TRANK1: variants seen among roughly 807,000 people sequenced by gnomAD.
The protein encoded by TRANK1 is tetratricopeptide repeat and ankyrin repeat containing 1.
TRANK1 carries 198 observed loss-of-function variants against 266.0 expected under a neutral mutation model. That is an observed-to-expected ratio of 0.74 (90% confidence interval 0.66 to 0.84). The LOEUF (loss-of-function observed/expected upper bound fraction) is 0.84. Among genes scored for constraint, TRANK1 ranks in the 40% least tolerant of loss-of-function variants. The pLI is 0.00. For synonymous variants in TRANK1, 1,396 were observed against 1,384.1 expected (o/e 1.01, Z -0.19); for missense variants, 3,326 against 3,634.6 (o/e 0.92, Z 2.18).
Position 36,879,937 on chromosome 3 carries a change from TGTAAACATGC to T in TRANK1, c.908-5651_908-5642del, listed in dbSNP as rs2079489596. ...AAATATATGTAAACATGCAAATATA[TGTAAACATGC>T]AAATATATGTAAACATGCAAATATA... On this transcript the variant is annotated intron_variant, in intron 8 of 23. Coordinates refer to ENST00000645898, the MANE Select transcript of TRANK1 (RefSeq NM_001329998.2). Among the ~76,000 whole-genome samples, 8 of 34,158 alleles carry T rather than the reference TGTAAACATGC, an allele frequency of 2.3e-4. 2 individuals are homozygous for T. The highest frequency in any genetic ancestry group is 4.2e-4 in the African/African-American group (2 of 4,798). The allele number at this position is 34,158 out of a possible 152,430, so 22.4% of individuals were successfully genotyped here.
chr3:36,831,530 G>C lies in TRANK1; in HGVS notation c.8053C>G (p.Pro2685Ala), dbSNP rs749635565. 1.2e-6 allele frequency: 2 copies of C among 1,613,308 alleles called. No homozygotes were observed. The highest frequency in any genetic ancestry group is 1.7e-6 in the Non-Finnish European group (2 of 1,179,666). The change falls in exon 22 of 24, where the codon CCT (proline) becomes GCT (alanine). Residue 2685 changes from proline to alanine, a missense_variant. Transcript: ENST00000645898. The surrounding 1 kb of genome is among the most constrained non-coding windows in gnomAD (Gnocchi z 5.0). ...TCATCCTGGCCAAACTCACACTCAG[G>C]TTCAGCAAAGTAGTCCACAGGGTCC... ...CLDPVDYFAE[P>A]ECEFGQDEMD...
intron 1 of TRANK1, among the ~76,000 whole-genome samples, chr3:36,925,727 A>C (rs868420399): frequency 4.0e-5 from 6 of 151,802 alleles, no homozygotes; most frequent in Non-Finnish European, 5.9e-5. Flanking sequence ...AGTAGCTGGG[A>C]CTACAGGCAC....
At chr3:36,884,086 C>A (rs1476197688) in intron 8 of TRANK1, among the ~76,000 whole-genome samples, 3 of 152,020 alleles carry the variant, frequency 2.0e-5, no homozygotes, top group Non-Finnish European at 2.9e-5. Context: ...TGTAGATGAA[C>A]AATATTACAA....
intron 19 of TRANK1, 40 bp from the exon 20 acceptor site, chr3:36,838,544 TGACCCTACACCAATA>T: frequency 6.2e-7 from 1 of 1,613,986 alleles, no homozygotes; most frequent in East Asian, 2.2e-5. Context: ...CACGGAACAT[TGACCCTACACCAATA>T]TTTAACCTGC....
Position 36,833,368 on chromosome 3 carries a change from T to G in TRANK1, c.6215A>C (p.Gln2072Pro). ...AATCTTCTCAGGCTCGGCCTCACAC[T>G]GGCTGGCTGCTTCGTAGAGTGCTTC... ...VVEALYEAAS[Q>P]CEAEPEKILG... Residue 2072 changes from glutamine (Q) to proline (P), a missense_variant, in exon 22 of 24, where the codon CAG (glutamine) becomes CCG (proline). Coordinates refer to ENST00000645898, the MANE Select transcript of TRANK1 (RefSeq NM_001329998.2). 6.2e-7 allele frequency: 1 copy of G among 1,613,854 alleles called. No homozygotes were observed. Among genetic ancestry groups the G allele is most frequent in the Middle Eastern group, 1.7e-4 (1 of 6,058 alleles).
chr3:36,937,028 C>T (rs774003332), intron 1 of TRANK1, among the ~76,000 whole-genome samples: 3 of 151,842 alleles, frequency 2.0e-5, no homozygotes, highest in East Asian at 1.9e-4. Flanking sequence ...GCCCGGGAGG[C>T]GGAGGTTGCA....
chr3:36,880,072 G>GTAAACATA lies in TRANK1; in HGVS notation c.908-5777_908-5776insTATGTTTA, dbSNP rs1559449879. On this transcript the variant is annotated intron_variant, in intron 8 of 23. Transcript: ENST00000645898. ...TAAACATACAAATATATGTAAACAT[G>GTAAACATA]CAAATATATATAAACATATATAAAT... is the stretch of plus-strand genomic sequence containing the variant. The GTAAACATA allele has an allele frequency of 5.3e-4, 10 of 18,816 alleles. 3 individuals carry two copies. Among genetic ancestry groups the GTAAACATA allele is most frequent in the African/African-American group, 1.5e-3 (6 of 4,046 alleles). 1.2% of individuals were successfully genotyped at this position (18,816 alleles called of 1,614,324 possible). A position where few individuals can be genotyped will look rare whatever the true frequency, so the allele number is the denominator to read the frequency against.
chr3:36,851,404 C>T (rs2078982706), intron 15 of TRANK1: 8 of 1,089,202 alleles, frequency 7.3e-6, no homozygotes, highest in Non-Finnish European at 8.9e-6. Flanking sequence ...GAGCTTGCTC[C>T]AACTTGGGCA....
Position 36,874,261 on chromosome 3 carries a change from C to A in TRANK1, c.943G>T (p.Gly315Trp), listed in dbSNP as rs1375885850. The change falls in exon 9 of 24, where the codon GGG (glycine) becomes TGG (tryptophan). Residue 315 changes from glycine (G) to tryptophan (W), a missense_variant. Coordinates refer to ENST00000645898, the MANE Select transcript of TRANK1 (RefSeq NM_001329998.2). ...CGATCCAGCAAAGTGGGATCTGCCCCAAAGCGCAGGAGCATCTGCACATCC... is the reference window on the plus strand; with the variant it reads ...CGATCCAGCAAAGTGGGATCTGCCCAAAAGCGCAGGAGCATCTGCACATCC... The part of the protein sequence containing the change: ...TEDVQMLLRF[G>W]ADPTLLDRQS... 1 of 1,537,150 alleles carries A rather than the reference C, an allele frequency of 6.5e-7. No individual in the cohort carries two copies. The highest frequency in any genetic ancestry group is 8.7e-7 in the Non-Finnish European group (1 of 1,146,868).
intron 23 of TRANK1, 93 bp downstream of exon 23, chr3:36,829,471 G>T: frequency 8.2e-7 from 1 of 1,214,008 alleles, no homozygotes; most frequent in Non-Finnish European, 1.2e-6. Flanking sequence ...GACATCACTG[G>T]GCTGCCCCAC....
At chr3:36,883,534 C>CAA (rs34266450) in intron 8 of TRANK1, among the ~76,000 whole-genome samples, 1 of 134,720 alleles carries the variant, frequency 7.4e-6, no homozygotes, top group Non-Finnish European at 1.6e-5. Flanking sequence ...ACTCTTCATG[C>CAA]AAAAAAAAAA....
At chr3:36,909,253 T>A (rs2080018060) in intron 1 of TRANK1, among the ~76,000 whole-genome samples, 2 of 152,218 alleles carry the variant, frequency 1.3e-5, no homozygotes, top group African/African-American at 4.8e-5. Flanking sequence ...AAGGGGTACT[T>A]AAATATCTGT....
intron 9 of TRANK1, among the ~76,000 whole-genome samples, chr3:36,871,279 T>G (rs1167068260): frequency 2.6e-5 from 4 of 151,988 alleles, no homozygotes; most frequent in African/African-American, 9.7e-5. Context: ...TCCCAGCTAC[T>G]CAGGAGGCTG....
Position 36,831,338 on chromosome 3 carries a change from C to G in TRANK1, c.8245G>C (p.Glu2749Gln). 1 of 1,613,648 alleles carries G rather than the reference C, an allele frequency of 6.2e-7. No individual in the cohort carries two copies. Among genetic ancestry groups the G allele is most frequent in the South Asian group, 1.1e-5 (1 of 91,026 alleles). ...CCAGCCCTGGGCTCCCTGGCCTCCT[C>G]CCTGACACGCTCCATCTGGGTGCCC... Reference protein sequence around the residue: ...RVGTQMERVREEAREPRAGNF... With the variant: ...RVGTQMERVRQEAREPRAGNF... Residue 2749 changes from glutamate to glutamine, a missense_variant, in exon 22 of 24, where the codon GAG (glutamate) becomes CAG (glutamine). Physicochemically the swap from Glu to Gln is conservative, Grantham distance 29. Coordinates refer to ENST00000645898, the MANE Select transcript of TRANK1 (RefSeq NM_001329998.2). The surrounding 1 kb of genome is among the most constrained non-coding windows in gnomAD (Gnocchi z 5.0).
At chr3:36,912,546 T>G (rs1055798799) in intron 1 of TRANK1, among the ~76,000 whole-genome samples, 2 of 152,230 alleles carry the variant, frequency 1.3e-5, no homozygotes, top group Non-Finnish European at 2.9e-5. Context: ...TATGTCTCTA[T>G]GAGAATTCAA....
chr3:36,850,855 T>C, intron 15 of TRANK1: 1 of 985,448 alleles, frequency 1.0e-6, no homozygotes, highest in Non-Finnish European at 1.2e-6. Flanking sequence ...AACAGTGCTC[T>C]TGACTTGGGT....
intron 1 of TRANK1, among the ~76,000 whole-genome samples, chr3:36,923,440 T>G (rs2080244652): frequency 6.6e-6 from 1 of 151,894 alleles, no homozygotes; most frequent in South Asian, 2.1e-4. Context: ...ATTTTTAGTA[T>G]AGACGGGGTT....
At chr3:36,939,987 T>A (rs1038419135) in intron 1 of TRANK1, among the ~76,000 whole-genome samples, 2 of 151,086 alleles carry the variant, frequency 1.3e-5, no homozygotes, top group Non-Finnish European at 2.9e-5. Context: ...ACCTCCCGGG[T>A]TCAAGCGATT....
chr3:36,895,607 C>T (rs2079777651), intron 5 of TRANK1, 33 bp downstream of exon 5: 2 of 1,306,684 alleles, frequency 1.5e-6, no homozygotes, highest in South Asian at 1.4e-5. Flanking sequence ...CAAGAATGTA[C>T]TCTCCCCGTG....
Sources: allele counts gnomAD v4.1 joint callset (sites outside exome capture counted in the v4.1 genomes callset), GRCh38; gene constraint gnomAD v4.1.1; non-coding constraint Gnocchi (gnomAD v3.1); transcripts MANE v1.5; gene names NCBI Gene and HGNC (gene_info 2026-07-23, HGNC 2026-07-21).